SGSM2: variants seen among roughly 807,000 people sequenced by gnomAD.
SGSM2 encodes small G protein signaling modulator 2, also known as RUN and TBC1 domain containing 1.
SGSM2 carries 89 observed loss-of-function variants against 126.6 expected under a neutral mutation model. That is an observed-to-expected ratio of 0.70 (90% CI 0.59 to 0.84). SGSM2 has a LOEUF of 0.84. Ranked by LOEUF, SGSM2 falls within the 40% of genes least tolerant of loss-of-function variation. The pLI is 0.00. For missense variants in SGSM2, 1,404 were observed against 1,416.6 expected (o/e 0.99, Z 0.14); for synonymous variants, 614 against 574.3 (o/e 1.07, Z -0.99).
At chr17:2,359,753 C>G (rs963783725) in intron 2 of SGSM2, among the ~76,000 whole-genome samples, 1 of 152,140 alleles carries the variant, frequency 6.6e-6, no homozygotes, top group Non-Finnish European at 1.5e-5. Context: ...AAGCGAATGA[C>G]TCATTATCCC....
chr17:2,375,678 G>A lies in SGSM2; in HGVS notation c.2287G>A (p.Gly763Ser). ...CTCTCGCAATTACTCCGTGGCCTCGGGCATCCAGTCAAGCCTAGATGAGGG... is the reference window on the plus strand; with the variant it reads ...CTCTCGCAATTACTCCGTGGCCTCGAGCATCCAGTCAAGCCTAGATGAGGG... ...PSSRNYSVAS[G>S]IQSSLDEGQS... The change falls in exon 18 of 24, where the codon GGC becomes AGC. Residue 763 changes from glycine (G) to serine (S), a missense_variant. Physicochemically the swap from Gly to Ser is moderately conservative, Grantham distance 56. Transcript: ENST00000268989. 6.2e-7 allele frequency: 1 copy of A among 1,613,960 alleles called. No individual in the cohort carries two copies. The highest frequency in any genetic ancestry group is 8.5e-7 in the Non-Finnish European group (1 of 1,179,952).
chr17:2,376,280 C>T lies in SGSM2; in HGVS notation c.2609+19C>T, dbSNP rs752470494. The T allele has an allele frequency of 6.2e-7, 1 of 1,612,812 alleles. No homozygotes were observed. On this transcript the variant is annotated intron_variant, in intron 19 of 23. Transcript: ENST00000268989. ...TGTGCAGGTGCCTTGTGGGGCGGGG[C>T]TCAGGGTGGGAGGCGGGACCCTGCC...
In SGSM2 at chr17:2,371,290, C is replaced by A; in HGVS notation, c.1452C>A (p.Gly484=). 1 of 1,612,332 alleles carries A rather than the reference C, an allele frequency of 6.2e-7. No homozygotes were observed. Among genetic ancestry groups the A allele is most frequent in the East Asian group, 2.2e-5 (1 of 44,882 alleles). Reference sequence around the variant, plus strand: ...CTGGTGACATGATCGAGATGCAGGGCTTTGGGCCCAGCCTGCCAGCCTGGC... The same window carrying A: ...CTGGTGACATGATCGAGATGCAGGGATTTGGGCCCAGCCTGCCAGCCTGGC... The part of the protein sequence containing the change: ...KDAGDMIEMQ[G]FGPSLPAWHL... Residue 484 remains glycine, a synonymous_variant, in exon 13 of 24, where the codon GGC becomes GGA. Transcript: ENST00000268989.
In SGSM2 at chr17:2,367,749, T is replaced by C. The variant is rs1292660500; in HGVS notation, c.1423+344T>C. Among the ~76,000 whole-genome samples, 3 of 152,240 alleles carry C rather than the reference T, an allele frequency of 2.0e-5. No individual in the cohort carries two copies. The highest frequency in any genetic ancestry group is 7.2e-5 in the African/African-American group (3 of 41,464). ...CTGGCAAATGCCAGACAGAGGTCTC[T>C]TCCTTTCTCTCTGCTGATTGGGAAG... On this transcript the variant is annotated intron_variant, in intron 12 of 23. Coordinates refer to ENST00000268989, the MANE Select transcript of SGSM2 (RefSeq NM_014853.3). The surrounding 1 kb of genome is among the most constrained non-coding windows in gnomAD (Gnocchi z 4.0).
intron 16 of SGSM2, 97 bp from the exon 17 acceptor site, chr17:2,373,234 C>T: frequency 1.3e-6 from 2 of 1,543,094 alleles, no homozygotes; most frequent in East Asian, 2.3e-5. Flanking sequence ...CGTCTTGAGT[C>T]TGAGACTCAG....
chr17:2,365,152 T>C (rs955859177), intron 10 of SGSM2, 63 bp from the exon 11 acceptor site: 7 of 1,590,098 alleles, frequency 4.4e-6, no homozygotes, highest in Admixed American at 1.7e-5. Flanking sequence ...GGAGCGGCCT[T>C]GTGTGGAACC....
intron 12 of SGSM2, among the ~76,000 whole-genome samples, chr17:2,368,276 A>G (rs1400436915): frequency 6.6e-6 from 1 of 151,964 alleles, no homozygotes; most frequent in Non-Finnish European, 1.5e-5. Flanking sequence ...CTTGGTAGAG[A>G]GGGAGCCCCC....
chr17:2,379,642 T>C lies in SGSM2; in HGVS notation c.*122T>C, dbSNP rs1160632772. On this transcript the variant is annotated 3_prime_UTR_variant, in exon 24 of 24. Coordinates refer to ENST00000268989, the MANE Select transcript of SGSM2 (RefSeq NM_014853.3). ...CCCACCTCTGTTCCTAACAAAGCGG[T>C]TGTGAGCCTGGATCCGACTCCCGGC... 4 of 1,476,846 alleles carry C rather than the reference T, an allele frequency of 2.7e-6. No individual in the cohort carries two copies. The highest frequency in any genetic ancestry group is 1.4e-5 in the African/African-American group (1 of 71,696). 91.5% of individuals were successfully genotyped at this position (1,476,846 alleles called of 1,614,324 possible).
At position 2,376,757 on chromosome 17, in the gene SGSM2, G is replaced by A. The variant is rs776427852; in HGVS notation, c.2634G>A (p.Val878=). 6 of 1,613,914 alleles carry A rather than the reference G, an allele frequency of 3.7e-6. No individual in the cohort carries two copies. Among genetic ancestry groups the A allele is most frequent in the African/African-American group, 1.3e-5 (1 of 74,926 alleles). The change falls in exon 20 of 24, where the codon GTG becomes GTA. Residue 878 remains valine (V), a synonymous_variant. Transcript: ENST00000268989. The stretch of plus-strand genomic sequence containing the variant: ...GCTACGTGTGGGAGCACCTGGACGT[G>A]GGCTATGTGCAGGGCATGTGCGATC... ...MCSYVWEHLD[V]GYVQGMCDLL... is the part of the protein sequence containing the mutation.
chr17:2,346,284 C>T (rs1026662252), intron 2 of SGSM2, among the ~76,000 whole-genome samples: 1 of 152,182 alleles, frequency 6.6e-6, no homozygotes, highest in East Asian at 1.9e-4. Flanking sequence ...CCCTTGTGTA[C>T]TGGGCCCCTC....
In SGSM2 at chr17:2,357,616, A is replaced by G. The variant is rs140214621; in HGVS notation, c.134-4021A>G. 1.5e-3 allele frequency among the ~76,000 whole-genome samples: 233 copies of G among 152,018 alleles called. 1 individual carries two copies. Among genetic ancestry groups the G allele is most frequent in the African/African-American group, 5.4e-3 (224 of 41,454 alleles). On this transcript the variant is annotated intron_variant, in intron 2 of 23. Coordinates refer to ENST00000268989, the MANE Select transcript of SGSM2 (RefSeq NM_014853.3). Reference sequence around the variant, plus strand: ...AGGTTCAAGCAATTCTTCTGCCTCAACCTCCCAAGTAGCTGGGACTACAGG... The same window carrying G: ...AGGTTCAAGCAATTCTTCTGCCTCAGCCTCCCAAGTAGCTGGGACTACAGG...
intron 1 of SGSM2, among the ~76,000 whole-genome samples, chr17:2,340,825 C>T (rs1266114651): frequency 1.3e-5 from 2 of 151,866 alleles, no homozygotes; most frequent in Non-Finnish European, 2.9e-5. Context: ...ACCTCGTGAT[C>T]CGCCCACCTT....
chr17:2,378,434 G>T (rs1026422896), intron 22 of SGSM2, among the ~76,000 whole-genome samples: 1 of 151,858 alleles, frequency 6.6e-6, no homozygotes, highest in African/African-American at 2.4e-5. Context: ...AAATCAGCCG[G>T]GCATGGTGGC....
Position 2,367,416 on chromosome 17 carries a change from C to A in SGSM2, c.1423+11C>A, listed in dbSNP as rs1219153292. The A allele has an allele frequency of 2.5e-6, 4 of 1,610,486 alleles. No individual in the cohort carries two copies. The highest frequency in any genetic ancestry group is 3.4e-6 in the Non-Finnish European group (4 of 1,178,066). ...CCAATCCGATGAAAGGTTCTTATCC[C>A]TCCCTCTCCCTGACCCACCTCATCC... On this transcript the variant is annotated intron_variant, in intron 12 of 23. Transcript: ENST00000268989. This position sits in a 1 kb window ranked among gnomAD's most constrained non-coding sequence, Gnocchi z 4.0.
intron 2 of SGSM2, among the ~76,000 whole-genome samples, chr17:2,359,358 T>C (rs1441781275): frequency 2.0e-5 from 3 of 152,142 alleles, no homozygotes; most frequent in Non-Finnish European, 4.4e-5. Context: ...ACAAGTGCAG[T>C]GTGAACAGTT....
At chr17:2,338,112 C>G (rs1036350459) in intron 1 of SGSM2, among the ~76,000 whole-genome samples, 9 of 152,094 alleles carry the variant, frequency 5.9e-5, no homozygotes, top group African/African-American at 2.2e-4. Flanking sequence ...GGGCCCCGCG[C>G]GAGCTCCCGC....
intron 2 of SGSM2, among the ~76,000 whole-genome samples, chr17:2,359,886 G>A (rs2065240276): frequency 6.6e-6 from 1 of 152,152 alleles, no homozygotes; most frequent in African/African-American, 2.4e-5. Context: ...CCCAGGAAAT[G>A]ATCACCCCCT....
chr17:2,380,368 G>A lies in SGSM2; in HGVS notation c.*848G>A, dbSNP rs777975372. On this transcript the variant is annotated 3_prime_UTR_variant, in exon 24 of 24. Coordinates refer to ENST00000268989, the MANE Select transcript of SGSM2 (RefSeq NM_014853.3). ...TGAGGAATCCCAGGGTGACTCTGTC[G>A]GGGAAGAATCCGGTCACAGCCTCCC... 6.0e-5 allele frequency: 87 copies of A among 1,461,590 alleles called. No individual in the cohort carries two copies. Among genetic ancestry groups the A allele is most frequent in the South Asian group, 1.1e-4 (9 of 82,500 alleles). 90.5% of individuals were successfully genotyped at this position (1,461,590 alleles called of 1,614,324 possible).
chr17:2,365,894 C>A (rs539955763), intron 11 of SGSM2, among the ~76,000 whole-genome samples: 232 of 152,160 alleles, frequency 1.5e-3, no homozygotes, highest in African/African-American at 5.4e-3. Context: ...TACAGGCGCA[C>A]ACCTCCATGC....
Sources: allele counts gnomAD v4.1 joint callset (sites outside exome capture counted in the v4.1 genomes callset), GRCh38; gene constraint gnomAD v4.1.1; non-coding constraint Gnocchi (gnomAD v3.1); transcripts MANE v1.5; gene names NCBI Gene and HGNC (gene_info 2026-07-23, HGNC 2026-07-21).